Variants in TMEM163 observed in about 807,000 individuals in gnomAD.
The protein encoded by TMEM163 is transmembrane protein 163.
Under a neutral mutation model 29.3 loss-of-function variants are expected in TMEM163, and 17 were observed. The observed-to-expected ratio is 0.58, with a 90% CI of 0.40 to 0.87. The LOEUF is 0.87. TMEM163 is among the 40% of genes least tolerant of loss of function. The probability of loss-of-function intolerance (pLI) is 0.00; values close to 1 mark genes in which losing one functional copy is unlikely to be tolerated. For synonymous variants in TMEM163, 157 were observed against 160.6 expected, an observed-to-expected ratio of 0.98 and a Z score of 0.17; for missense variants, 303 against 381.5, an observed-to-expected ratio of 0.79 and a Z score of 1.71.
intron 2 of TMEM163, among the ~76,000 whole-genome samples, chr2:134,636,888 T>A (rs890619816): frequency 3.3e-5 from 5 of 152,192 alleles, no homozygotes; most frequent in African/African-American, 1.2e-4. Flanking sequence ...ACACAGGAAC[T>A]GACTCAGGGC....
chr2:134,599,810 G>A (rs1213550526), intron 2 of TMEM163, among the ~76,000 whole-genome samples: 1 of 151,298 alleles, frequency 6.6e-6, no homozygotes, highest in Non-Finnish European at 1.5e-5. Flanking sequence ...TGAGATTACA[G>A]GCATAAGCCA....
intron 4 of TMEM163, among the ~76,000 whole-genome samples, chr2:134,529,610 G>A (rs919201578): frequency 4.0e-5 from 6 of 151,622 alleles, no homozygotes; most frequent in African/African-American, 1.5e-4. Flanking sequence ...AAAATTGGCC[G>A]GGCATGGTGG....
chr2:134,550,730 C>T, intron 3 of TMEM163, 69 bp from the exon 4 acceptor site: 3 of 1,448,412 alleles, frequency 2.1e-6, no homozygotes, highest in Non-Finnish European at 2.9e-6. Flanking sequence ...AGACACAGGA[C>T]AACTGTGCTG....
At chr2:134,539,079 T>C (rs1206206481) in intron 4 of TMEM163, among the ~76,000 whole-genome samples, 1 of 152,188 alleles carries the variant, frequency 6.6e-6, no homozygotes, top group East Asian at 1.9e-4. Context: ...ATTGAGTACC[T>C]ACTTTAGGTC....
intron 5 of TMEM163, chr2:134,467,254 A>G (rs1392723560): frequency 6.6e-6 from 1 of 152,218 alleles, no homozygotes; most frequent in Non-Finnish European, 1.5e-5. Flanking sequence ...TCCATCCTCC[A>G]AGAGTTGGAG....
chr2:134,657,119 A>G (rs1027449582), intron 2 of TMEM163, among the ~76,000 whole-genome samples: 1 of 152,174 alleles, frequency 6.6e-6, no homozygotes, highest in Non-Finnish European at 1.5e-5. Context: ...TGAGTTAGGG[A>G]GAAGTCCTTC....
At chr2:134,489,307 T>C (rs915954837) in intron 5 of TMEM163, among the ~76,000 whole-genome samples, 1 of 151,902 alleles carries the variant, frequency 6.6e-6, no homozygotes, top group Admixed American at 6.6e-5. Context: ...GGCGTGATGA[T>C]GATGGTTCAC....
At chr2:134,536,727 A>G (rs1349619184) in intron 4 of TMEM163, among the ~76,000 whole-genome samples, 1 of 152,236 alleles carries the variant, frequency 6.6e-6, no homozygotes, top group Non-Finnish European at 1.5e-5. Context: ...AAAGTCAGTA[A>G]TAAAACTATC....
intron 2 of TMEM163, among the ~76,000 whole-genome samples, chr2:134,642,648 A>T (rs2104841007): frequency 6.6e-6 from 1 of 152,350 alleles, no homozygotes; most frequent in Non-Finnish European, 1.5e-5. Context: ...CCTGGTTTAC[A>T]AAACATGAAG....
At chr2:134,521,225 C>T (rs1680183033) in intron 4 of TMEM163, among the ~76,000 whole-genome samples, 2 of 152,150 alleles carry the variant, frequency 1.3e-5, no homozygotes, top group Non-Finnish European at 2.9e-5. Flanking sequence ...TCTTGATCTC[C>T]TGACCTCGTG....
At chr2:134,628,550 T>C (rs1344106882) in intron 2 of TMEM163, among the ~76,000 whole-genome samples, 2 of 152,256 alleles carry the variant, frequency 1.3e-5, no homozygotes, top group South Asian at 2.1e-4. Context: ...AAGCCAGTCA[T>C]ACAAGCACTC....
In TMEM163 at chr2:134,492,152, CTTA is replaced by C. The variant is rs2106482830; in HGVS notation, c.555+10746_555+10748del. Among the ~76,000 whole-genome samples, 3 of 152,336 alleles carry C rather than the reference CTTA, an allele frequency of 2.0e-5. 1 individual carries two copies. The South Asian group carries it at 6.2e-4, about 32-fold the overall frequency. The stretch of plus-strand genomic sequence containing the variant: ...CTCCTCTTATCATACGCTTTGTCTT[CTTA>C]TTGTCTATTTACAGCATTAATTTTA... On this transcript the variant is annotated intron_variant, in intron 5 of 7. Coordinates refer to ENST00000281924, the MANE Select transcript of TMEM163 (RefSeq NM_030923.5).
chr2:134,573,292 C>T (rs1681475317), intron 2 of TMEM163, among the ~76,000 whole-genome samples: 1 of 152,232 alleles, frequency 6.6e-6, no homozygotes, highest in Non-Finnish European at 1.5e-5. Context: ...CTATTCTAAC[C>T]TGAAATATCT....
In TMEM163 at chr2:134,499,139, A is replaced by G. The variant is rs189896647; in HGVS notation, c.555+3762T>C. ...TACGCATCACTGTGGAATGGTTAAG[A>G]CATCATAAAGATATACCATTTTTAC... On this transcript the variant is annotated intron_variant, in intron 5 of 7. Coordinates refer to ENST00000281924, the MANE Select transcript of TMEM163 (RefSeq NM_030923.5). Among the ~76,000 whole-genome samples the G allele has an allele frequency of 2.6e-5, 4 of 152,364 alleles. No homozygotes were observed. The East Asian group carries it at 7.7e-4, about 29-fold the overall frequency.
At chr2:134,526,067 TTGC>T (rs145811422) in intron 4 of TMEM163, among the ~76,000 whole-genome samples, 3,321 of 152,238 alleles carry the variant, frequency 0.022, 108 homozygotes, top group African/African-American at 0.075. Flanking sequence ...GCCCCAGGTG[TTGC>T]TGCTTCTAGT....
chr2:134,568,692 G>T (rs1681355676), intron 2 of TMEM163, among the ~76,000 whole-genome samples: 1 of 149,484 alleles, frequency 6.7e-6, no homozygotes, highest in Admixed American at 6.7e-5. Flanking sequence ...AAAGAAAAAA[G>T]GAAAGAAAGA....
chr2:134,528,758 T>A (rs1298458310), intron 4 of TMEM163, among the ~76,000 whole-genome samples: 3 of 152,164 alleles, frequency 2.0e-5, no homozygotes, highest in Non-Finnish European at 4.4e-5. Context: ...CTCACACTTC[T>A]GATTAGAAAT....
intron 2 of TMEM163, among the ~76,000 whole-genome samples, chr2:134,559,139 C>T (rs1681111785): frequency 6.6e-6 from 1 of 152,164 alleles, no homozygotes; most frequent in Non-Finnish European, 1.5e-5. Context: ...TCCCTTTCTC[C>T]CAGTGGTGCC....
At chr2:134,631,844 A>T in intron 2 of TMEM163, among the ~76,000 whole-genome samples, 1 of 152,216 alleles carries the variant, frequency 6.6e-6, no homozygotes, top group East Asian at 1.9e-4. Flanking sequence ...TTTCTCCTAT[A>T]ATTCCATTCA....
Sources: gnomAD v4.1 joint callset for allele counts (sites outside exome capture counted in the v4.1 genomes callset) on GRCh38, gnomAD v4.1.1 for gene constraint, MANE v1.5 for transcripts, NCBI Gene and HGNC (gene_info 2026-07-23, HGNC 2026-07-21) for gene names.